Variants in PALLD observed in about 807,000 individuals in gnomAD.
The protein encoded by PALLD is palladin, cytoskeletal associated protein.
A neutral mutation model predicts 123.5 loss-of-function variants in PALLD; 61 were observed. The ratio of observed to expected loss-of-function variants is 0.49; its 90% CI spans 0.40 to 0.61. The LOEUF (loss-of-function observed/expected upper bound fraction) is 0.61. Ranked by LOEUF, PALLD falls within the 20% of genes least tolerant of loss-of-function variation. The pLI, the probability that PALLD is intolerant of heterozygous loss-of-function variation, is 0.00. For missense variants in PALLD, 1,273 were observed against 1,377.0 expected, an observed-to-expected ratio of 0.92 and a Z score of 1.20; for synonymous variants, 465 against 496.4, an observed-to-expected ratio of 0.94 and a Z score of 0.84.
At chr4:168,673,504 G>T (rs1190004854) in intron 3 of PALLD, among the ~76,000 whole-genome samples, 1 of 152,172 alleles carries the variant, frequency 6.6e-6, no homozygotes, top group African/African-American at 2.4e-5. Flanking sequence ...CCGCAGCCGG[G>T]GTATGCCGGA....
chr4:168,594,212 T>C (rs1270636885), intron 2 of PALLD, among the ~76,000 whole-genome samples: 2 of 152,192 alleles, frequency 1.3e-5, no homozygotes, highest in Non-Finnish European at 2.9e-5. Flanking sequence ...AGGAGATGGT[T>C]AACGATAGTG....
intron 13 of PALLD, among the ~76,000 whole-genome samples, chr4:168,897,045 G>T (rs960190522): frequency 6.6e-6 from 1 of 152,104 alleles, no homozygotes; most frequent in African/African-American, 2.4e-5. Context: ...TGGTCAGGCT[G>T]GTCTCGAACT....
chr4:168,722,280 C>T (rs1249951821), intron 10 of PALLD, among the ~76,000 whole-genome samples: 6 of 152,080 alleles, frequency 3.9e-5, no homozygotes, highest in Non-Finnish European at 8.8e-5. Context: ...AATCTGCCTG[C>T]CTTGGCCTCT....
chr4:168,534,893 C>T (rs1252749298), intron 2 of PALLD, among the ~76,000 whole-genome samples: 1 of 152,022 alleles, frequency 6.6e-6, no homozygotes, highest in African/African-American at 2.4e-5. Flanking sequence ...AGGATTATTC[C>T]TAATACAACC....
At chr4:168,531,032 A>G (rs1395190116) in intron 2 of PALLD, among the ~76,000 whole-genome samples, 1 of 152,250 alleles carries the variant, frequency 6.6e-6, no homozygotes, top group Non-Finnish European at 1.5e-5. Flanking sequence ...ATTACAGAGC[A>G]TATTTTTAAA....
intron 10 of PALLD, among the ~76,000 whole-genome samples, chr4:168,868,268 A>G (rs1750606317): frequency 6.6e-6 from 1 of 152,216 alleles, no homozygotes; most frequent in Non-Finnish European, 1.5e-5. Context: ...ACCAAGGGCA[A>G]GAGGATTGTG....
intron 10 of PALLD, among the ~76,000 whole-genome samples, chr4:168,831,167 T>A (rs929426714): frequency 4.6e-5 from 7 of 152,186 alleles, no homozygotes; most frequent in Admixed American, 1.3e-4. Context: ...GCTGATCTGG[T>A]GAAAGAAAAG....
chr4:168,720,487 C>T (rs149393444), intron 10 of PALLD, among the ~76,000 whole-genome samples: 91 of 152,246 alleles, frequency 6.0e-4, no homozygotes, highest in African/African-American at 2.0e-3. Flanking sequence ...GAGCAGAAAA[C>T]CATTTTTTTC....
chr4:168,693,023 G>C (rs1782773758), intron 8 of PALLD, among the ~76,000 whole-genome samples: 1 of 152,130 alleles, frequency 6.6e-6, no homozygotes, highest in Non-Finnish European at 1.5e-5. Flanking sequence ...TGGATGAGGA[G>C]GGAGGAAGGA....
chr4:168,572,829 TTTGTGCTCCATATAA>T (rs1769135211), intron 2 of PALLD, among the ~76,000 whole-genome samples: 1 of 151,416 alleles, frequency 6.6e-6, no homozygotes, highest in East Asian at 2.0e-4. Context: ...TATACCTTCT[TTTGTGCTCCATATAA>T]TGGTCAGAGT....
intron 2 of PALLD, among the ~76,000 whole-genome samples, chr4:168,553,428 T>C (rs1166255272): frequency 6.6e-6 from 1 of 152,216 alleles, no homozygotes; most frequent in East Asian, 1.9e-4. Context: ...AATTGAAAAT[T>C]TTTTAACGTA....
chr4:168,742,221 T>C (rs1788421149), intron 10 of PALLD, among the ~76,000 whole-genome samples: 1 of 152,236 alleles, frequency 6.6e-6, no homozygotes, highest in Non-Finnish European at 1.5e-5. Flanking sequence ...TGTCCATCTC[T>C]CCGTCCTTCT....
At chr4:168,557,277 C>G (rs1767415794) in intron 2 of PALLD, among the ~76,000 whole-genome samples, 1 of 152,150 alleles carries the variant, frequency 6.6e-6, no homozygotes, top group Non-Finnish European at 1.5e-5. Context: ...CTCGTGACCT[C>G]AGGTGATCTG....
chr4:168,797,805 G>C (rs928898784), intron 10 of PALLD, among the ~76,000 whole-genome samples: 4 of 152,006 alleles, frequency 2.6e-5, no homozygotes, highest in African/African-American at 9.7e-5. Context: ...TGCCATATTA[G>C]CTCCCTCTTC....
intron 2 of PALLD, among the ~76,000 whole-genome samples, chr4:168,639,604 T>C (rs1043593436): frequency 9.9e-5 from 15 of 151,208 alleles, no homozygotes; most frequent in East Asian, 5.9e-4. Context: ...AGTGCAGTGG[T>C]GTGATCTTGG....
intron 10 of PALLD, among the ~76,000 whole-genome samples, chr4:168,883,448 A>T (rs1013066645): frequency 2.0e-5 from 3 of 152,210 alleles, no homozygotes; most frequent in African/African-American, 7.2e-5. Context: ...AGAAGAGTAG[A>T]ATAAGAGGAC....
intron 10 of PALLD, among the ~76,000 whole-genome samples, chr4:168,817,379 C>T (rs1742119561): frequency 6.6e-6 from 1 of 152,216 alleles, no homozygotes; most frequent in South Asian, 2.1e-4. Flanking sequence ...CATTTTCAGA[C>T]ATGTCCTGAA....
At chr4:168,694,943 G>A (rs1315024548) in intron 8 of PALLD, among the ~76,000 whole-genome samples, 1 of 152,116 alleles carries the variant, frequency 6.6e-6, no homozygotes, top group African/African-American at 2.4e-5. Context: ...TGGGGGTGGG[G>A]GACACAGAAG....
At chr4:168,538,289 C>A (rs1765278410) in intron 2 of PALLD, among the ~76,000 whole-genome samples, 3 of 152,106 alleles carry the variant, frequency 2.0e-5, no homozygotes, top group Middle Eastern at 3.4e-3. Flanking sequence ...TTCCTTTTTT[C>A]TATCTGGAAT....
Sources: allele counts gnomAD v4.1 joint callset (sites outside exome capture counted in the v4.1 genomes callset), GRCh38; gene constraint gnomAD v4.1.1; transcripts MANE v1.5; gene names NCBI Gene and HGNC (gene_info 2026-07-23, HGNC 2026-07-21).